The following GDAP1L1 variants were observed in gnomAD, a reference collection of about 807,000 sequenced individuals.
GDAP1L1 encodes the protein ganglioside-induced differentiation-associated protein 1-like 1.
In GDAP1L1, 21 loss-of-function variants were observed where a neutral mutation model predicts 37.1. The ratio of observed to expected loss-of-function variants is 0.57; its 90% CI spans 0.40 to 0.81. The LOEUF is 0.81. GDAP1L1 is among the 40% of genes least tolerant of loss of function. GDAP1L1 has a pLI of 0.00. For synonymous variants in GDAP1L1, 193 were observed against 209.1 expected (o/e 0.92, Z 0.67); for missense variants, 362 against 491.6 (o/e 0.74, Z 2.49).
intron 5 of GDAP1L1, among the ~76,000 whole-genome samples, chr20:44,276,942 A>G (rs571194096): frequency 1.3e-5 from 2 of 152,322 alleles, no homozygotes; most frequent in South Asian, 4.1e-4. Context: ...CTTTGCTCAC[A>G]TGCCAGCTTC....
chr20:44,275,335 G>T (rs2062562014), intron 5 of GDAP1L1, among the ~76,000 whole-genome samples: 1 of 152,186 alleles, frequency 6.6e-6, no homozygotes, highest in African/African-American at 2.4e-5. Flanking sequence ...AGCACATACT[G>T]CCAGGTAACC....
chr20:44,276,412 A>AAAAGAGAAAGAAAGAAAGAAAG (rs1555801150), intron 5 of GDAP1L1, among the ~76,000 whole-genome samples: 1 of 113,308 alleles, frequency 8.8e-6, no homozygotes, highest in African/African-American at 3.5e-5. Flanking sequence ...AGAAAAAAGA[A>AAAAGAGAAAGAAAGAAAGAAAG]AAAGAAAGAA....
chr20:44,249,634 T>C, intron 1 of GDAP1L1, among the ~76,000 whole-genome samples: 1 of 152,182 alleles, frequency 6.6e-6, no homozygotes, highest in East Asian at 1.9e-4. Context: ...ATATTTCCTA[T>C]GTAGCGTGAG....
intron 1 of GDAP1L1, among the ~76,000 whole-genome samples, chr20:44,250,604 G>A (rs1040037279): frequency 3.3e-5 from 5 of 152,130 alleles, no homozygotes; most frequent in Non-Finnish European, 4.4e-5. Flanking sequence ...TGGGGGAGAG[G>A]GTTGAGGAGA....
chr20:44,249,004 A>G (rs2073389006), intron 1 of GDAP1L1, among the ~76,000 whole-genome samples: 1 of 152,016 alleles, frequency 6.6e-6, no homozygotes, highest in East Asian at 1.9e-4. Context: ...GTGCCTGGCG[A>G]GAGGTCAAGA....
In GDAP1L1 at chr20:44,279,339, CTG is replaced by C; in HGVS notation, c.*42_*43del. The C allele has an allele frequency of 7.5e-7, 1 of 1,336,452 alleles. No individual in the cohort carries two copies. Among genetic ancestry groups the C allele is most frequent in the Non-Finnish European group, 1.1e-6 (1 of 939,706 alleles). The allele number at this position is 1,336,452 out of a possible 1,614,324, so 82.8% of individuals were successfully genotyped here. On this transcript the variant is annotated 3_prime_UTR_variant, in exon 6 of 6. Coordinates refer to ENST00000342560, the MANE Select transcript of GDAP1L1 (RefSeq NM_024034.6). ...GCTTGGTGTCTGACTGTCGGTGTCT[CTG>C]TGCTGTGTGATTCCCCGTGAGCTCT...
rs776586206 is a variant in GDAP1L1, at chr20:44,247,452, G to T, written c.118G>T (p.Ala40Ser). The T allele has an allele frequency of 9.3e-6, 15 of 1,605,788 alleles. No individual in the cohort carries two copies. The highest frequency in any genetic ancestry group is 6.8e-5 in the Admixed American group (4 of 59,188). The change falls in exon 1 of 6, where the codon GCC becomes TCC. Residue 40 changes from alanine (A) to serine (S), a missense_variant. Ala to Ser is a moderately conservative substitution (Grantham distance 99). Coordinates refer to ENST00000342560, the MANE Select transcript of GDAP1L1 (RefSeq NM_024034.6). ...CGACGCTCCCGAGGCGGCCAGCCCC[G>T]CCCATTGGCCCAGGGAGAGCCTGGT... ...APDAPEAASPAHWPRESLVLY... is the reference protein window; with the variant it reads ...APDAPEAASPSHWPRESLVLY...
intron 5 of GDAP1L1, among the ~76,000 whole-genome samples, chr20:44,270,452 G>A (rs1361042664): frequency 1.3e-5 from 2 of 152,192 alleles, no homozygotes; most frequent in Admixed American, 6.5e-5. Flanking sequence ...TTACAGGCGT[G>A]AGCCACCGCG....
intron 5 of GDAP1L1, among the ~76,000 whole-genome samples, chr20:44,267,212 A>G (rs558715603): frequency 1.3e-5 from 2 of 152,290 alleles, no homozygotes; most frequent in East Asian, 3.9e-4. Context: ...CTTAATCCCC[A>G]TAACAACCCC....
chr20:44,261,161 A>C (rs962624659), intron 3 of GDAP1L1, among the ~76,000 whole-genome samples: 7 of 152,184 alleles, frequency 4.6e-5, no homozygotes, highest in African/African-American at 1.7e-4. Context: ...GGATGAGAGG[A>C]GGGAGGTCCC....
chr20:44,277,394 G>A (rs1385142773), intron 5 of GDAP1L1, among the ~76,000 whole-genome samples: 3 of 152,222 alleles, frequency 2.0e-5, no homozygotes, highest in Admixed American at 2.0e-4. Flanking sequence ...GGGGAACAGC[G>A]AGGGCAAAGG....
intron 2 of GDAP1L1, chr20:44,258,225 C>T: frequency 1.4e-6 from 1 of 720,360 alleles, no homozygotes; most frequent in Non-Finnish European, 2.6e-6. Flanking sequence ...CTGAGAGGAG[C>T]TAACCCTCGG....
At chr20:44,262,318 A>G (rs1198948640) in intron 3 of GDAP1L1, among the ~76,000 whole-genome samples, 1 of 151,902 alleles carries the variant, frequency 6.6e-6, no homozygotes, top group African/African-American at 2.4e-5. Flanking sequence ...AAAATATGAG[A>G]AAGATGGAGG....
At chr20:44,268,717 A>C (rs908771708) in intron 5 of GDAP1L1, among the ~76,000 whole-genome samples, 7 of 152,222 alleles carry the variant, frequency 4.6e-5, no homozygotes, top group Admixed American at 1.3e-4. Context: ...AGACTGAGGG[A>C]TGCCATGGAG....
At chr20:44,268,538 A>T (rs8118384) in intron 5 of GDAP1L1, among the ~76,000 whole-genome samples, 3,386 of 152,328 alleles carry the variant, frequency 0.022, 133 homozygotes, top group African/African-American at 0.077. Flanking sequence ...AAAAGACATT[A>T]GTCAAATAAT....
At chr20:44,260,785 G>T (rs968914150) in intron 3 of GDAP1L1, among the ~76,000 whole-genome samples, 4 of 152,170 alleles carry the variant, frequency 2.6e-5, no homozygotes, top group African/African-American at 9.7e-5. Flanking sequence ...CCCAAGGTGG[G>T]GTGGAAATGG....
chr20:44,258,402 C>T, intron 2 of GDAP1L1, 32 bp from the exon 3 acceptor site: 1 of 1,541,898 alleles, frequency 6.5e-7, no homozygotes. Flanking sequence ...GCCCCTCTGG[C>T]TTCCCTGCCC....
At chr20:44,257,902 A>C (rs2073592001) in intron 2 of GDAP1L1, among the ~76,000 whole-genome samples, 1 of 151,846 alleles carries the variant, frequency 6.6e-6, no homozygotes, top group Non-Finnish European at 1.5e-5. Context: ...CCAGAACCCC[A>C]TGGACAGGGG....
chr20:44,250,371 C>A (rs1271158451), intron 1 of GDAP1L1, among the ~76,000 whole-genome samples: 20 of 152,188 alleles, frequency 1.3e-4, no homozygotes, highest in African/African-American at 4.3e-4. Context: ...ATGGTGCCTC[C>A]CCAACAGGGT....
Sources: gnomAD v4.1 joint callset for allele counts (sites outside exome capture counted in the v4.1 genomes callset) on GRCh38, gnomAD v4.1.1 for gene constraint, MANE v1.5 for transcripts, NCBI Gene and HGNC (gene_info 2026-07-23, HGNC 2026-07-21) for gene names.